Variants in IL1RAPL1 observed in about 807,000 individuals in gnomAD.
The protein encoded by IL1RAPL1 is interleukin-1 receptor accessory protein-like 1.
IL1RAPL1 carries 3 observed loss-of-function variants against 48.4 expected under a neutral mutation model. The observed-to-expected ratio is 0.06, with a 90% confidence interval of 0.03 to 0.16. IL1RAPL1 has a LOEUF of 0.16. Among genes scored for constraint, IL1RAPL1 ranks in the 10% least tolerant of loss-of-function variants. The probability of loss-of-function intolerance (pLI) is 1.00; values close to 1 mark genes in which losing one functional copy is unlikely to be tolerated. For missense variants in IL1RAPL1, 349 were observed against 530.6 expected (o/e 0.66, Z 3.36); for synonymous variants, 185 against 187.7 (o/e 0.99, Z 0.12).
chrX:29,551,118 C>G (rs2147787787), intron 5 of IL1RAPL1, among the ~76,000 whole-genome samples: 1 of 112,086 alleles, frequency 8.9e-6, no homozygotes, highest in Non-Finnish European at 1.9e-5. Flanking sequence ...CTTCAAGGCC[C>G]ATGCATGTTG....
At chrX:29,147,056 A>G (rs1227709418) in intron 2 of IL1RAPL1, among the ~76,000 whole-genome samples, 1 of 112,638 alleles carries the variant, frequency 8.9e-6, no homozygotes, top group African/African-American at 3.2e-5. Flanking sequence ...AAAAGTGGCA[A>G]TTCCAAGGAA....
intron 3 of IL1RAPL1, among the ~76,000 whole-genome samples, chrX:29,305,598 A>G (rs1260719912): frequency 1.8e-5 from 2 of 111,627 alleles, no homozygotes; most frequent in Non-Finnish European, 3.8e-5. Flanking sequence ...ATGAATTATT[A>G]TTTAGGAGCT....
intron 6 of IL1RAPL1, among the ~76,000 whole-genome samples, chrX:29,916,198 C>T (rs978994528): frequency 9.6e-6 from 1 of 103,750 alleles, no homozygotes; most frequent in Non-Finnish European, 2.0e-5. Flanking sequence ...TGAATAATGC[C>T]GCAATAAACA....
intron 2 of IL1RAPL1, among the ~76,000 whole-genome samples, chrX:29,259,740 T>C (rs1411795898): frequency 8.9e-6 from 1 of 111,849 alleles, no homozygotes; most frequent in African/African-American, 3.2e-5. Flanking sequence ...AAAAGGTAAA[T>C]TGAAGTTGCA....
chrX:28,666,931 T>C (rs1223218305), intron 1 of IL1RAPL1, among the ~76,000 whole-genome samples: 1 of 112,142 alleles, frequency 8.9e-6, no homozygotes, highest in Admixed American at 9.5e-5. Flanking sequence ...TACTAATTTA[T>C]CCAGCAGTGG....
intron 2 of IL1RAPL1, among the ~76,000 whole-genome samples, chrX:29,039,805 A>C (rs899962359): frequency 2.7e-5 from 3 of 109,519 alleles, no homozygotes; most frequent in African/African-American, 9.9e-5. Context: ...AAAAAAAAAA[A>C]AAATCCTGAG....
chrX:29,251,497 AT>A (rs965787471), intron 2 of IL1RAPL1, among the ~76,000 whole-genome samples: 3 of 111,851 alleles, frequency 2.7e-5, no homozygotes, highest in Non-Finnish European at 3.8e-5. Context: ...ACACAAATAC[AT>A]GTATGTATTC....
intron 6 of IL1RAPL1, among the ~76,000 whole-genome samples, chrX:29,862,566 G>A (rs1244103120): frequency 9.0e-6 from 1 of 111,636 alleles, no homozygotes; most frequent in East Asian, 2.8e-4. Flanking sequence ...CTTCTCTTCA[G>A]TAATGGGAAA....
At chrX:28,934,712 G>T (rs1227509086) in intron 2 of IL1RAPL1, among the ~76,000 whole-genome samples, 1 of 112,076 alleles carries the variant, frequency 8.9e-6, no homozygotes, top group Non-Finnish European at 1.9e-5. Flanking sequence ...ACATTTATCA[G>T]TACTTCATTC....
At chrX:29,094,404 A>G (rs1476036884) in intron 2 of IL1RAPL1, among the ~76,000 whole-genome samples, 1 of 110,597 alleles carries the variant, frequency 9.0e-6, no homozygotes, top group Non-Finnish European at 1.9e-5. Flanking sequence ...TTTTAGTTGT[A>G]TCGTAGTTGA....
intron 6 of IL1RAPL1, among the ~76,000 whole-genome samples, chrX:29,886,159 A>G (rs773439056): frequency 8.9e-6 from 1 of 112,293 alleles, no homozygotes; most frequent in East Asian, 2.8e-4. Context: ...TGTCCAAAAC[A>G]GTTAAGGTCA....
Position 29,668,421 on chromosome X carries a change from G to T in IL1RAPL1, c.704-9G>T. The T allele has an allele frequency of 7.5e-6, 9 of 1,197,842 alleles. No individual in the cohort carries two copies. The highest frequency in any genetic ancestry group is 1.0e-5 in the Non-Finnish European group (9 of 883,151). ...AAGTCTCTGTATTATTATTGTTGTT[G>T]TTTTTCAGCCCCTCTGACTGATAAG... On this transcript the variant is annotated splice_polypyrimidine_tract_variant and intron_variant, in intron 5 of 10. Transcript: ENST00000378993.
intron 2 of IL1RAPL1, among the ~76,000 whole-genome samples, chrX:29,201,047 T>C (rs1357880568): frequency 9.0e-6 from 1 of 111,180 alleles, no homozygotes; most frequent in Non-Finnish European, 1.9e-5. Context: ...GAATTTTTCA[T>C]TCACTCTTTT....
At chrX:28,722,601 T>C (rs1935599672) in intron 1 of IL1RAPL1, among the ~76,000 whole-genome samples, 1 of 111,578 alleles carries the variant, frequency 9.0e-6, no homozygotes, top group Admixed American at 9.6e-5. Context: ...CCTGCCCGAT[T>C]GCCCTGGCCA....
At chrX:28,679,361 ATTAG>A (rs1268563026) in intron 1 of IL1RAPL1, among the ~76,000 whole-genome samples, 4 of 111,164 alleles carry the variant, frequency 3.6e-5, no homozygotes, top group Non-Finnish European at 7.6e-5. Flanking sequence ...TTAACCACTT[ATTAG>A]TTATATAGTT....
At chrX:29,136,692 C>A (rs1210847992) in intron 2 of IL1RAPL1, among the ~76,000 whole-genome samples, 1 of 111,559 alleles carries the variant, frequency 9.0e-6, no homozygotes, top group East Asian at 2.8e-4. Context: ...AGTTACTGAG[C>A]CTAGTTTCTC....
intron 5 of IL1RAPL1, among the ~76,000 whole-genome samples, chrX:29,601,216 TG>T (rs749566227): frequency 3.6e-5 from 4 of 112,393 alleles, no homozygotes; most frequent in African/African-American, 1.3e-4. Context: ...AATTCATGTT[TG>T]ACTAAATTGA....
At chrX:29,453,604 C>G (rs1334854275) in intron 5 of IL1RAPL1, among the ~76,000 whole-genome samples, 1 of 111,279 alleles carries the variant, frequency 9.0e-6, no homozygotes, top group Non-Finnish European at 1.9e-5. Flanking sequence ...CAACAACTCT[C>G]AACTCTGGCT....
At chrX:29,053,578 A>G (rs768649989) in intron 2 of IL1RAPL1, among the ~76,000 whole-genome samples, 68 of 111,948 alleles carry the variant, frequency 6.1e-4, no homozygotes, top group Non-Finnish European at 1.9e-4. Flanking sequence ...TGAGTTTTTA[A>G]TAATAGCCAT....
Sources: allele counts gnomAD v4.1 joint callset (sites outside exome capture counted in the v4.1 genomes callset), GRCh38; gene constraint gnomAD v4.1.1; transcripts MANE v1.5; gene names NCBI Gene and HGNC (gene_info 2026-07-23, HGNC 2026-07-21).